ITPR2: variants seen among roughly 807,000 people sequenced by gnomAD.
The protein encoded by ITPR2 is inositol 1,4,5-trisphosphate receptor type 2.
A neutral mutation model predicts 317.1 loss-of-function variants in ITPR2; 207 were observed. That is an observed-to-expected ratio of 0.65 (90% CI 0.58 to 0.73). The LOEUF is 0.73. Ranked by LOEUF, ITPR2 falls within the 30% of genes least tolerant of loss-of-function variation. The pLI is 0.00. For missense variants in ITPR2, 2,613 were observed against 3,284.0 expected (o/e 0.80, Z 4.99); for synonymous variants, 1,156 against 1,149.1 (o/e 1.01, Z -0.12).
chr12:26,722,216 A>T (rs1322677577), intron 5 of ITPR2, among the ~76,000 whole-genome samples, 181 bp downstream of exon 5: 1 of 152,234 alleles, frequency 6.6e-6, no homozygotes, highest in Non-Finnish European at 1.5e-5. Context: ...ACTTTGTCTT[A>T]TGACTTCTGA....
At chr12:26,477,060 C>T (rs575851019) in intron 43 of ITPR2, 53 bp from the exon 44 acceptor site, 28 of 1,135,390 alleles carry the variant, frequency 2.5e-5, no homozygotes, top group South Asian at 5.5e-5. Context: ...CATGGATTAA[C>T]GATTTCTCTG....
At chr12:26,666,542 T>C (rs1476502514) in intron 13 of ITPR2, among the ~76,000 whole-genome samples, 2 of 152,158 alleles carry the variant, frequency 1.3e-5, no homozygotes, top group Non-Finnish European at 2.9e-5. Flanking sequence ...ATTCCAATCC[T>C]TTTTCTTTCT....
chr12:26,344,787 T>G (rs1002840188), intron 55 of ITPR2, among the ~76,000 whole-genome samples: 5 of 152,228 alleles, frequency 3.3e-5, no homozygotes, highest in South Asian at 2.1e-4. Context: ...ATGGAACATA[T>G]AGTTCATAGG....
intron 9 of ITPR2, among the ~76,000 whole-genome samples, chr12:26,699,730 G>A (rs185575574): frequency 4.8e-4 from 73 of 152,112 alleles, no homozygotes; most frequent in Admixed American, 6.5e-4. Flanking sequence ...ATTTACCAAC[G>A]TTAACTATTA....
At chr12:26,424,124 A>C (rs1219209280) in intron 49 of ITPR2, among the ~76,000 whole-genome samples, 3 of 152,222 alleles carry the variant, frequency 2.0e-5, no homozygotes, top group Non-Finnish European at 4.4e-5. Flanking sequence ...TTTACAATTA[A>C]AGGGTGCTTC....
At chr12:26,650,206 C>CT (rs1489531785) in intron 21 of ITPR2, among the ~76,000 whole-genome samples, 1 of 152,012 alleles carries the variant, frequency 6.6e-6, no homozygotes. Context: ...AAGGTAACAA[C>CT]TTTTCCAAGA....
chr12:26,784,815 AC>A (rs200687253), intron 2 of ITPR2, among the ~76,000 whole-genome samples: 40,984 of 142,660 alleles, frequency 0.29, 7,019 homozygotes, highest in East Asian at 0.74. Context: ...CGTCTGGGAT[AC>A]GGGGAGCCTC....
At chr12:26,648,847 A>G (rs1223537162) in intron 21 of ITPR2, 2 of 152,012 alleles carry the variant, frequency 1.3e-5, no homozygotes, top group Non-Finnish European at 2.9e-5. Context: ...TCCTATCTCC[A>G]TATTTGGAGA....
intron 1 of ITPR2, among the ~76,000 whole-genome samples, chr12:26,821,469 T>A (rs1950936645): frequency 6.6e-6 from 1 of 152,100 alleles, no homozygotes; most frequent in Non-Finnish European, 1.5e-5. Flanking sequence ...ACCCAAAGAG[T>A]AGGTCCTGCT....
intron 37 of ITPR2, among the ~76,000 whole-genome samples, chr12:26,543,614 A>C (rs1944317568): frequency 6.6e-6 from 1 of 152,134 alleles, no homozygotes; most frequent in Admixed American, 6.5e-5. Flanking sequence ...TTTCTACTAA[A>C]AATACAAAAA....
At chr12:26,630,921 T>C (rs930050546) in intron 22 of ITPR2, among the ~76,000 whole-genome samples, 1 of 152,102 alleles carries the variant, frequency 6.6e-6, no homozygotes, top group African/African-American at 2.4e-5. Context: ...GAACACAGCA[T>C]TGGGAGGCCT....
intron 37 of ITPR2, among the ~76,000 whole-genome samples, chr12:26,516,191 G>A (rs1435897437): frequency 2.5e-5 from 3 of 121,416 alleles, no homozygotes; most frequent in Admixed American, 1.9e-4. Flanking sequence ...GAGGGGAGGC[G>A]GGGGAGGGAA....
At chr12:26,471,897 G>C (rs937121044) in intron 45 of ITPR2, among the ~76,000 whole-genome samples, 1 of 152,244 alleles carries the variant, frequency 6.6e-6, no homozygotes, top group Non-Finnish European at 1.5e-5. Context: ...GGCCACTTCT[G>C]AAGCAGTGCT....
rs536073468 is a variant in ITPR2 at position 26,509,480 on chromosome 12, A to G, written c.5074-14220T>C. Among the ~76,000 whole-genome samples, 7 of 152,334 alleles carry G rather than the reference A, an allele frequency of 4.6e-5. No homozygotes were observed. In the South Asian group the frequency reaches 1.4e-3, roughly 32 times the overall value. On this transcript the variant is annotated intron_variant, in intron 37 of 56. Transcript: ENST00000381340. Reference sequence around the variant, plus strand: ...ATCACTCCTTAAATAACATTAAAGTACATCTCTTAAGGAAAATAATGTCAG... The same window carrying G: ...ATCACTCCTTAAATAACATTAAAGTGCATCTCTTAAGGAAAATAATGTCAG...
At chr12:26,747,378 A>C (rs1949341742) in intron 2 of ITPR2, among the ~76,000 whole-genome samples, 1 of 152,224 alleles carries the variant, frequency 6.6e-6, no homozygotes, top group African/African-American at 2.4e-5. Flanking sequence ...CATTTTGAAG[A>C]GTAGTCATCT....
intron 2 of ITPR2, among the ~76,000 whole-genome samples, chr12:26,739,097 C>A (rs1205639936): frequency 6.6e-6 from 1 of 152,120 alleles, no homozygotes; most frequent in Non-Finnish European, 1.5e-5. Flanking sequence ...CAAACTATGA[C>A]CATAATTAGA....
chr12:26,644,143 GGA>G (rs1291685684), intron 21 of ITPR2, among the ~76,000 whole-genome samples: 1 of 152,156 alleles, frequency 6.6e-6, no homozygotes, highest in Non-Finnish European at 1.5e-5. Context: ...CAGAATATAA[GGA>G]GCTAGCGGCC....
chr12:26,349,806 C>T (rs752850680), intron 55 of ITPR2, among the ~76,000 whole-genome samples: 6 of 152,090 alleles, frequency 3.9e-5, no homozygotes, highest in Admixed American at 1.3e-4. Flanking sequence ...CTTCCAGGGA[C>T]GAGCCTATTT....
Position 26,624,295 on chromosome 12 carries a change from A to G in ITPR2, c.3122+4T>C, listed in dbSNP as rs752334090. 18 of 1,586,236 alleles carry G rather than the reference A, an allele frequency of 1.1e-5. No individual in the cohort carries two copies. Among genetic ancestry groups the G allele is most frequent in the Admixed American group, 1.0e-4 (6 of 58,666 alleles). On this transcript the variant is annotated splice_donor_region_variant and intron_variant, in intron 24 of 56. Transcript: ENST00000381340. ...AAGATAAAGATATATAAATGTTACTATACCTTCCCGCAAACATAGTTTCTG... is the reference window on the plus strand; with the variant it reads ...AAGATAAAGATATATAAATGTTACTGTACCTTCCCGCAAACATAGTTTCTG...
Sources: gnomAD v4.1 joint callset for allele counts (sites outside exome capture counted in the v4.1 genomes callset) on GRCh38, gnomAD v4.1.1 for gene constraint, MANE v1.5 for transcripts, NCBI Gene and HGNC (gene_info 2026-07-23, HGNC 2026-07-21) for gene names.